The following GIMAP8 variants were observed in gnomAD, a reference collection of about 807,000 sequenced individuals.
GIMAP8 encodes GTPase IMAP family member 8.
A neutral mutation model predicts 35.6 loss-of-function variants in GIMAP8; 29 were observed. The observed-to-expected ratio is 0.81, with a 90% CI of 0.61 to 1.11. The LOEUF (loss-of-function observed/expected upper bound fraction) is 1.11, where lower values mean the gene tolerates loss of function less well. Ranked by LOEUF, GIMAP8 falls within the 50% of genes most tolerant of loss-of-function variation. The pLI is 0.00. For synonymous variants in GIMAP8, 335 were observed against 308.7 expected, an observed-to-expected ratio of 1.09 and a Z score of -0.89; for missense variants, 811 against 805.0, an observed-to-expected ratio of 1.01 and a Z score of -0.09.
In GIMAP8 at chr7:150,466,665, C is replaced by A; in HGVS notation, c.-28-6C>A. ...AACATTAATGTGTTGTTTTCTGTCC[C>A]AACAGAACAAGCGGGAGCCTGTGTC... On this transcript the variant is annotated splice_polypyrimidine_tract_variant and splice_region_variant and intron_variant, in intron 1 of 4. Transcript: ENST00000307271. 1.2e-6 allele frequency: 2 copies of A among 1,603,092 alleles called. No homozygotes were observed. Among genetic ancestry groups the A allele is most frequent in the South Asian group, 1.1e-5 (1 of 89,694 alleles).
chr7:150,463,624 G>A (rs1801889610), intron 1 of GIMAP8, among the ~76,000 whole-genome samples: 1 of 152,200 alleles, frequency 6.6e-6, no homozygotes, highest in South Asian at 2.1e-4. Context: ...AGTGATGTCT[G>A]CAAGTTCCTC....
intron 1 of GIMAP8, among the ~76,000 whole-genome samples, chr7:150,461,884 T>C (rs1373524550): frequency 6.6e-6 from 1 of 152,206 alleles, no homozygotes; most frequent in Non-Finnish European, 1.5e-5. Context: ...GTGTAGAGAG[T>C]CCACCAACAG....
chr7:150,450,954 A>AGCCTGTG lies in GIMAP8; in HGVS notation c.-244_-238dup, dbSNP rs1801591566. On this transcript the variant is annotated 5_prime_UTR_variant, in exon 1 of 5. Transcript: ENST00000307271. This position sits in a 1 kb window ranked among gnomAD's most constrained non-coding sequence, Gnocchi z 4.4. ...AGCCCCGACGGCTCTCGAGGTTCTG[A>AGCCTGTG]GCCTGTGGCCTGCACAGGGAACTTC... 1 of 152,360 alleles carries AGCCTGTG rather than the reference A, an allele frequency of 6.6e-6. No individual in the cohort carries two copies. The highest frequency in any genetic ancestry group is 2.4e-5 in the African/African-American group (1 of 41,448). 9.4% of individuals were successfully genotyped at this position (152,360 alleles called of 1,614,324 possible).
rs1817959574 is a variant in GIMAP8, at chr7:150,451,132, C to G, written c.-72C>G. 1 of 152,380 alleles carries G rather than the reference C, an allele frequency of 6.6e-6. No individual in the cohort carries two copies. The highest frequency in any genetic ancestry group is 1.5e-5 in the Non-Finnish European group (1 of 68,146). The allele number at this position is 152,380 out of a possible 1,614,324, so 9.4% of individuals were successfully genotyped here. A position where few individuals can be genotyped will look rare whatever the true frequency, so the allele number is the denominator to read the frequency against. ...TTCTCCCCTCACCCTCCTCACCTTCCTCACATCCTGTGCCCTGGGGGACCA... is the reference window on the plus strand; with the variant it reads ...TTCTCCCCTCACCCTCCTCACCTTCGTCACATCCTGTGCCCTGGGGGACCA... On this transcript the variant is annotated 5_prime_UTR_variant, in exon 1 of 5. Transcript: ENST00000307271. This position sits in a 1 kb window ranked among gnomAD's most constrained non-coding sequence, Gnocchi z 4.1.
In GIMAP8 at chr7:150,477,746, A is replaced by T. The variant is rs765752735; in HGVS notation, c.1964A>T (p.Lys655Ile). ...GTCCAGGAAATGTCCCAAGCCGAAA[A>T]ACTCCTTAAAAATTTAATAGGTATT... Reference protein sequence around the residue: ...KNVQEMSQAEKLLKNLIGILQ With the variant: ...KNVQEMSQAEILLKNLIGILQ Residue 655 changes from lysine (K) to isoleucine (I), a missense_variant, in exon 5 of 5, where the codon AAA (lysine) becomes ATA (isoleucine). Lys to Ile is a moderately radical substitution (Grantham distance 102, BLOSUM62 -3). Transcript: ENST00000307271. 32 of 1,613,322 alleles carry T rather than the reference A, an allele frequency of 2.0e-5. No individual in the cohort carries two copies. The Middle Eastern group carries it at 2.8e-3, about 142-fold the overall frequency.
At position 150,478,943 on chromosome 7, in the gene GIMAP8, A is replaced by G. The variant is rs1176548997; in HGVS notation, c.*1163A>G. The G allele has an allele frequency of 6.6e-6, 1 of 152,234 alleles. No homozygotes were observed. The highest frequency in any genetic ancestry group is 1.9e-4 in the East Asian group (1 of 5,202). The allele number at this position is 152,234 out of a possible 1,614,324, so 9.4% of individuals were successfully genotyped here. A position where few individuals can be genotyped will look rare whatever the true frequency, so the allele number is the denominator to read the frequency against. On this transcript the variant is annotated 3_prime_UTR_variant, in exon 5 of 5. Coordinates refer to ENST00000307271, the MANE Select transcript of GIMAP8 (RefSeq NM_175571.4). Reference sequence around the variant, plus strand: ...CAGGATAAGATAGATACAGGGTAAAATGTTGAGCACTTTGTACATGCTTTG... The same window carrying G: ...CAGGATAAGATAGATACAGGGTAAAGTGTTGAGCACTTTGTACATGCTTTG...
intron 1 of GIMAP8, among the ~76,000 whole-genome samples, chr7:150,464,512 T>A (rs1015028151): frequency 6.6e-6 from 1 of 152,018 alleles, no homozygotes; most frequent in African/African-American, 2.4e-5. Flanking sequence ...AGAGACCCCA[T>A]CTCTACAAAA....
chr7:150,463,807 A>G (rs1801893570), intron 1 of GIMAP8, among the ~76,000 whole-genome samples: 1 of 152,224 alleles, frequency 6.6e-6, no homozygotes, highest in Admixed American at 6.5e-5. Context: ...AAACACTGAT[A>G]GTGGCAGGTG....
At position 150,467,320 on chromosome 7, in the gene GIMAP8, G is replaced by GCTTTTTTCAA; in HGVS notation, c.622_623insCTTTTTTCAA (p.Gly208AlafsTer13). 1 of 1,610,212 alleles carries GCTTTTTTCAA rather than the reference G, an allele frequency of 6.2e-7. No individual in the cohort carries two copies. Among genetic ancestry groups the GCTTTTTTCAA allele is most frequent in the Non-Finnish European group, 8.5e-7 (1 of 1,177,008 alleles). On this transcript the variant is annotated frameshift_variant, in exon 2 of 5. Transcript: ENST00000307271. LOFTEE classifies it high-confidence loss of function. ...CTATCATGTGAACTTCAAAACTGAA[G>GCTTTTTTCAA]GCAGCAGGTTTCAAGTAAGAATTTT... is the stretch of plus-strand genomic sequence containing the variant.
rs1563287265 is a variant in GIMAP8, at chr7:150,474,134, G to A, written c.805G>A (p.Gly269Arg). Residue 269 changes from glycine (G) to arginine (R), a missense_variant, in exon 4 of 5, where the codon GGG becomes AGG. Transcript: ENST00000307271. ...GKSAAGNSILGRQAFQTGFSE... is the reference protein window; with the variant it reads ...GKSAAGNSILRRQAFQTGFSE... Reference sequence around the variant, plus strand: ...AAGTGCAGCAGGAAACAGCATTCTGGGGAGGCAGGCCTTTCAGACCGGATT... The same window carrying A: ...AAGTGCAGCAGGAAACAGCATTCTGAGGAGGCAGGCCTTTCAGACCGGATT... 1 of 1,614,048 alleles carries A rather than the reference G, an allele frequency of 6.2e-7. No individual in the cohort carries two copies. The highest frequency in any genetic ancestry group is 8.5e-7 in the Non-Finnish European group (1 of 1,180,040).
At chr7:150,454,936 C>T (rs1162431497) in intron 1 of GIMAP8, among the ~76,000 whole-genome samples, 2 of 151,780 alleles carry the variant, frequency 1.3e-5, no homozygotes, top group Non-Finnish European at 2.9e-5. Flanking sequence ...GTTGGGAGTT[C>T]GAGACCAGCC....
chr7:150,470,756 T>C, intron 2 of GIMAP8, 73 bp from the exon 3 acceptor site: 2 of 693,584 alleles, frequency 2.9e-6, no homozygotes, highest in African/African-American at 1.9e-5. Context: ...CTTTTTTTTT[T>C]TTTTTTTTTT....
chr7:150,455,156 C>T (rs1262957910), intron 1 of GIMAP8, among the ~76,000 whole-genome samples: 63 of 133,590 alleles, frequency 4.7e-4, no homozygotes, highest in African/African-American at 1.6e-3. Context: ...AAAAAAAAAA[C>T]CAAAAAACAA....
intron 1 of GIMAP8, among the ~76,000 whole-genome samples, chr7:150,464,228 A>C (rs1399252968): frequency 6.6e-6 from 1 of 152,232 alleles, no homozygotes; most frequent in Admixed American, 6.5e-5. Context: ...TGTAATAAAA[A>C]CACTACAAAT....
At position 150,478,034 on chromosome 7, in the gene GIMAP8, C is replaced by T; in HGVS notation, c.*254C>T. The T allele has an allele frequency of 9.7e-6, 5 of 514,308 alleles. No individual in the cohort carries two copies. The East Asian group carries it at 1.3e-4, about 13-fold the overall frequency. The allele number at this position is 514,308 out of a possible 1,614,324, so 31.9% of individuals were successfully genotyped here. ...CTGGAAAAAGATTTCAGACATTAGG[C>T]TGATAATAAGTGGTAGAATCAAGTC... is the stretch of plus-strand genomic sequence containing the variant. On this transcript the variant is annotated 3_prime_UTR_variant, in exon 5 of 5. Coordinates refer to ENST00000307271, the MANE Select transcript of GIMAP8 (RefSeq NM_175571.4).
At chr7:150,464,076 G>A (rs56396441) in intron 1 of GIMAP8, among the ~76,000 whole-genome samples, 3,161 of 152,270 alleles carry the variant, frequency 0.021, 128 homozygotes, top group African/African-American at 0.073. Flanking sequence ...GCAGGATAAA[G>A]TAAATTATTT....
At position 150,451,390 on chromosome 7, in the gene GIMAP8, G is replaced by A. The variant is rs79320639; in HGVS notation, c.-29+215G>A. ...GAGAGGAGGCTGGGTTGAATGGCAG[G>A]GTTGAATGGCAGAGTTGAATGGCAG... is the stretch of plus-strand genomic sequence containing the variant. On this transcript the variant is annotated intron_variant, in intron 1 of 4. Transcript: ENST00000307271. This position sits in a 1 kb window ranked among gnomAD's most constrained non-coding sequence, Gnocchi z 4.1. Among the ~76,000 whole-genome samples, 11 of 129,862 alleles carry A rather than the reference G, an allele frequency of 8.5e-5. No individual in the cohort carries two copies. The highest frequency in any genetic ancestry group is 1.8e-4 in the Admixed American group (2 of 11,058). The allele number at this position is 129,862 out of a possible 152,430, so 85.2% of individuals were successfully genotyped here. A position where few individuals can be genotyped will look rare whatever the true frequency, so the allele number is the denominator to read the frequency against.
intron 1 of GIMAP8, among the ~76,000 whole-genome samples, chr7:150,466,266 T>C (rs1225671783): frequency 6.6e-6 from 1 of 152,238 alleles, no homozygotes; most frequent in Non-Finnish European, 1.5e-5. Flanking sequence ...TACAGATTTC[T>C]AGGATCTTTC....
At position 150,478,997 on chromosome 7, in the gene GIMAP8, T is replaced by C. The variant is rs966693181; in HGVS notation, c.*1217T>C. On this transcript the variant is annotated 3_prime_UTR_variant, in exon 5 of 5. Coordinates refer to ENST00000307271, the MANE Select transcript of GIMAP8 (RefSeq NM_175571.4). ...GCATAATCTTTGTCATCTGTTTTTT[T>C]CCCCTAGACAATATCAGGTTACCGT... 1 of 152,210 alleles carries C rather than the reference T, an allele frequency of 6.6e-6. No homozygotes were observed. The highest frequency in any genetic ancestry group is 1.5e-5 in the Non-Finnish European group (1 of 68,028). The allele number at this position is 152,210 out of a possible 1,614,324, so 9.4% of individuals were successfully genotyped here.
Sources: gnomAD v4.1 joint callset for allele counts (sites outside exome capture counted in the v4.1 genomes callset) on GRCh38, gnomAD v4.1.1 for gene constraint, Gnocchi (gnomAD v3.1) non-coding constraint, MANE v1.5 for transcripts, NCBI Gene and HGNC (gene_info 2026-07-23, HGNC 2026-07-21) for gene names.